RAP1GDS1: variants seen among roughly 807,000 people sequenced by gnomAD.
The protein encoded by RAP1GDS1 is RAP1, GTP-GDP dissociation stimulator 1.
A neutral mutation model predicts 71.1 loss-of-function variants in RAP1GDS1; 35 were observed. The ratio of observed to expected loss-of-function variants is 0.49; its 90% CI spans 0.38 to 0.65. The LOEUF (loss-of-function observed/expected upper bound fraction) is 0.65, where lower values mean the gene tolerates loss of function less well. RAP1GDS1 is among the 30% of genes least tolerant of loss of function. The probability of loss-of-function intolerance (pLI) is 0.00; values close to 1 mark genes in which losing one functional copy is unlikely to be tolerated. For synonymous variants in RAP1GDS1, 229 were observed against 243.1 expected, an observed-to-expected ratio of 0.94 and a Z score of 0.54; for missense variants, 663 against 706.1, an observed-to-expected ratio of 0.94 and a Z score of 0.69.
intron 4 of RAP1GDS1, among the ~76,000 whole-genome samples, chr4:98,377,015 A>G (rs10002767): frequency 0.18 from 26,704 of 151,898 alleles, 3,850 homozygotes; most frequent in African/African-American, 0.4. Context: ...AGTGTGGATA[A>G]GAAGCCAGCT....
rs945957246 is a variant in RAP1GDS1 at position 98,421,771 on chromosome 4, C to T, written c.1440+377C>T. Among the ~76,000 whole-genome samples the T allele has an allele frequency of 3.9e-5, 6 of 152,084 alleles. 1 individual carries two copies. Among genetic ancestry groups the T allele is most frequent in the Non-Finnish European group, 8.8e-5 (6 of 68,030 alleles). ...AATCCATTCTTGTGGCTGGCTGTGC[C>T]GCTGTCTGGCACATGGTAGATAACC... On this transcript the variant is annotated intron_variant, in intron 12 of 14. Transcript: ENST00000408927.
At chr4:98,336,734 AT>A (rs529559907) in intron 2 of RAP1GDS1, among the ~76,000 whole-genome samples, 5 of 150,702 alleles carry the variant, frequency 3.3e-5, no homozygotes, top group East Asian at 1.9e-4. Context: ...AAGAATTGCC[AT>A]TTTTTTTTAT....
At chr4:98,324,127 C>G (rs1344922755) in intron 2 of RAP1GDS1, among the ~76,000 whole-genome samples, 3 of 148,598 alleles carry the variant, frequency 2.0e-5, no homozygotes, top group Non-Finnish European at 3.0e-5. Context: ...ACACCAACAA[C>G]AGACAAACAG....
At chr4:98,304,189 T>C (rs533171542) in intron 2 of RAP1GDS1, among the ~76,000 whole-genome samples, 3 of 152,362 alleles carry the variant, frequency 2.0e-5, no homozygotes, top group African/African-American at 7.2e-5. Context: ...TAGAATGACT[T>C]ATATTCCTTT....
At chr4:98,319,825 C>T (rs1731523396) in intron 2 of RAP1GDS1, among the ~76,000 whole-genome samples, 1 of 149,130 alleles carries the variant, frequency 6.7e-6, no homozygotes, top group Non-Finnish European at 1.5e-5. Context: ...TTGAACTACA[C>T]AGGTCCTCTT....
chr4:98,337,292 C>T (rs1419122302), intron 2 of RAP1GDS1, among the ~76,000 whole-genome samples: 1 of 152,200 alleles, frequency 6.6e-6, no homozygotes, highest in Non-Finnish European at 1.5e-5. Flanking sequence ...TACTATACAT[C>T]TCTTTCTCAC....
chr4:98,295,274 A>C (rs1163318917), intron 2 of RAP1GDS1, among the ~76,000 whole-genome samples: 1 of 152,132 alleles, frequency 6.6e-6, no homozygotes, highest in African/African-American at 2.4e-5. Context: ...CAAAATGTTA[A>C]GGCCACGTAA....
chr4:98,401,099 C>T (rs909811716), intron 6 of RAP1GDS1, among the ~76,000 whole-genome samples: 7 of 152,146 alleles, frequency 4.6e-5, no homozygotes, highest in Admixed American at 2.0e-4. Flanking sequence ...GTGATGTTAT[C>T]GTCCCATGTG....
chr4:98,381,357 G>T (rs1186137242), intron 5 of RAP1GDS1, among the ~76,000 whole-genome samples: 1 of 151,560 alleles, frequency 6.6e-6, no homozygotes, highest in Non-Finnish European at 1.5e-5. Context: ...TGTCACGAGT[G>T]TCTTAATTTG....
chr4:98,313,683 A>G (rs966215198), intron 2 of RAP1GDS1, among the ~76,000 whole-genome samples: 1 of 152,018 alleles, frequency 6.6e-6, no homozygotes, highest in Non-Finnish European at 1.5e-5. Context: ...CATCGCCACA[A>G]AAAAATTTAA....
intron 6 of RAP1GDS1, 179 bp downstream of exon 6, chr4:98,392,259 A>ATTGT: frequency 1.8e-6 from 1 of 548,136 alleles, no homozygotes; most frequent in South Asian, 3.3e-5. Flanking sequence ...TTATGATTGC[A>ATTGT]TTGTTTATGA....
chr4:98,436,344 C>G (rs950951093), intron 13 of RAP1GDS1, among the ~76,000 whole-genome samples: 8 of 152,014 alleles, frequency 5.3e-5, no homozygotes, highest in African/African-American at 1.9e-4. Flanking sequence ...ATAGAGTAAG[C>G]CTTAATACTG....
intron 2 of RAP1GDS1, among the ~76,000 whole-genome samples, chr4:98,324,954 C>A (rs1160789292): frequency 3.3e-5 from 5 of 151,396 alleles, no homozygotes; most frequent in Non-Finnish European, 3.0e-5. Flanking sequence ...TTCTGCACAG[C>A]AAAAGAAACT....
In RAP1GDS1 at chr4:98,392,099, C is replaced by T; in HGVS notation, c.637+19C>T. On this transcript the variant is annotated intron_variant, in intron 6 of 14. Coordinates refer to ENST00000408927, the MANE Select transcript of RAP1GDS1 (RefSeq NM_001100427.2). ...GAACTTGGTAAGTCTTAGTCATGAA[C>T]CACAAATGTAATTAACTTATTAATG... is the stretch of plus-strand genomic sequence containing the variant. 1 of 1,595,228 alleles carries T rather than the reference C, an allele frequency of 6.3e-7. No individual in the cohort carries two copies. Among genetic ancestry groups the T allele is most frequent in the Non-Finnish European group, 8.5e-7 (1 of 1,169,778 alleles).
intron 6 of RAP1GDS1, among the ~76,000 whole-genome samples, chr4:98,398,422 GT>G (rs1408625004): frequency 2.6e-5 from 4 of 152,124 alleles, no homozygotes; most frequent in Admixed American, 2.0e-4. Flanking sequence ...GCGCATCAAT[GT>G]GAAATTTTAC....
chr4:98,305,062 T>A (rs577055072), intron 2 of RAP1GDS1, among the ~76,000 whole-genome samples: 1 of 152,204 alleles, frequency 6.6e-6, no homozygotes, highest in Non-Finnish European at 1.5e-5. Context: ...GCTGTTTTGG[T>A]TACTGTAGCC....
intron 12 of RAP1GDS1, among the ~76,000 whole-genome samples, chr4:98,426,756 CCAGA>C (rs993557543): frequency 2.0e-5 from 3 of 151,994 alleles, no homozygotes; most frequent in Non-Finnish European, 4.4e-5. Context: ...AAGTCCAGGA[CCAGA>C]CAGATTCACA....
In RAP1GDS1 at chr4:98,441,973, AT is replaced by A. The variant is rs773619623; in HGVS notation, c.1697-10del. On this transcript the variant is annotated splice_polypyrimidine_tract_variant and intron_variant, in intron 14 of 14. Transcript: ENST00000408927. Reference sequence around the variant, plus strand: ...ACAACCTAACAGAATCATATCTGTTATTTTTTTGTCTTCCAGAATGTCTACA... The same window carrying A: ...ACAACCTAACAGAATCATATCTGTTATTTTTTGTCTTCCAGAATGTCTACA... The A allele has an allele frequency of 1.2e-6, 2 of 1,612,816 alleles. No homozygotes were observed. Among genetic ancestry groups the A allele is most frequent in the South Asian group, 1.1e-5 (1 of 90,968 alleles).
chr4:98,365,274 A>G (rs755942095), intron 4 of RAP1GDS1, among the ~76,000 whole-genome samples: 13 of 152,030 alleles, frequency 8.6e-5, no homozygotes, highest in South Asian at 6.3e-4. Flanking sequence ...GCAGACAAGT[A>G]TCTATTGCTT....
Sources: gnomAD v4.1 joint callset for allele counts (sites outside exome capture counted in the v4.1 genomes callset) on GRCh38, gnomAD v4.1.1 for gene constraint, MANE v1.5 for transcripts, NCBI Gene and HGNC (gene_info 2026-07-23, HGNC 2026-07-21) for gene names.